Variants in MSI2 observed in about 807,000 individuals in gnomAD.
MSI2 encodes the protein RNA-binding protein Musashi homolog 2.
MSI2 carries 17 observed loss-of-function variants against 45.6 expected under a neutral mutation model. The observed-to-expected ratio is 0.37, with a 90% confidence interval of 0.26 to 0.56. The LOEUF (loss-of-function observed/expected upper bound fraction) is 0.56. MSI2 is among the 20% of genes least tolerant of loss of function. The probability of loss-of-function intolerance (pLI) is 0.77; values close to 1 mark genes in which losing one functional copy is unlikely to be tolerated. For synonymous variants in MSI2, 156 were observed against 158.2 expected (o/e 0.99, Z 0.11); for missense variants, 293 against 444.2 (o/e 0.66, Z 3.06).
chr17:57,608,121 C>T (rs949865345), intron 8 of MSI2: 7 of 152,398 alleles, frequency 4.6e-5, no homozygotes, highest in African/African-American at 1.7e-4. Context: ...TGGTTAGGGA[C>T]CCTTCCCCTG....
intron 6 of MSI2, among the ~76,000 whole-genome samples, chr17:57,438,415 T>G (rs2084731698): frequency 6.6e-6 from 1 of 152,158 alleles, no homozygotes; most frequent in African/African-American, 2.4e-5. Flanking sequence ...TTACCCCTTC[T>G]TCCTCCATCC....
intron 8 of MSI2, among the ~76,000 whole-genome samples, chr17:57,606,645 C>T (rs1906611465): frequency 6.6e-6 from 1 of 152,104 alleles, no homozygotes; most frequent in Non-Finnish European, 1.5e-5. Context: ...ATTTCTGTGT[C>T]CACACCCAGC....
At chr17:57,295,203 T>A (rs1251732872) in intron 5 of MSI2, among the ~76,000 whole-genome samples, 1 of 152,178 alleles carries the variant, frequency 6.6e-6, no homozygotes, top group Non-Finnish European at 1.5e-5. Flanking sequence ...GCTGCCCACT[T>A]CTTTCCCCAA....
chr17:57,523,172 C>T (rs1400368257), intron 6 of MSI2, among the ~76,000 whole-genome samples: 3 of 152,172 alleles, frequency 2.0e-5, no homozygotes, highest in East Asian at 1.9e-4. Flanking sequence ...CTCAGCCTCC[C>T]GCGCAGCTGG....
chr17:57,507,207 G>T (rs1271186507), intron 6 of MSI2, among the ~76,000 whole-genome samples: 1 of 130,102 alleles, frequency 7.7e-6, no homozygotes, highest in East Asian at 2.3e-4. Flanking sequence ...CTTCCCATTG[G>T]TTTTTGTCTT....
chr17:57,648,188 G>A lies in MSI2; in HGVS notation c.728-3911G>A, dbSNP rs570075456. On this transcript the variant is annotated intron_variant, in intron 10 of 13. Transcript: ENST00000284073. ...GTGTGTGTGTGTGTGTGTGTTTGTA[G>A]TGACAGGGTTTTCCCATGTTGGCCA... Among the ~76,000 whole-genome samples, 7 of 134,178 alleles carry A rather than the reference G, an allele frequency of 5.2e-5. No individual in the cohort carries two copies. In the South Asian group the frequency reaches 1.7e-3, roughly 32 times the overall value. The allele number at this position is 134,178 out of a possible 152,430, so 88.0% of individuals were successfully genotyped here.
intron 7 of MSI2, among the ~76,000 whole-genome samples, chr17:57,548,916 G>A (rs371619330): frequency 3.3e-4 from 14 of 41,990 alleles, no homozygotes; most frequent in Non-Finnish European, 5.3e-4. Flanking sequence ...CCACCCCCCC[G>A]CCAAAAAAAA....
chr17:57,618,140 G>C (rs1352264856), intron 9 of MSI2: 4 of 151,500 alleles, frequency 2.6e-5, no homozygotes, highest in African/African-American at 4.9e-5. Flanking sequence ...TATGGCCTCA[G>C]CTACCCAGGA....
At chr17:57,474,957 A>G (rs972332119) in intron 6 of MSI2, among the ~76,000 whole-genome samples, 4 of 152,224 alleles carry the variant, frequency 2.6e-5, no homozygotes, top group East Asian at 1.9e-4. Flanking sequence ...CCTGACCTCA[A>G]GTGATCTGCC....
intron 11 of MSI2, among the ~76,000 whole-genome samples, chr17:57,662,153 A>C (rs1371366438): frequency 6.6e-6 from 1 of 152,144 alleles, no homozygotes; most frequent in African/African-American, 2.4e-5. Context: ...TTTTTTAAAA[A>C]GGTCTCCCTT....
chr17:57,441,409 C>CA (rs2084798486), intron 6 of MSI2, among the ~76,000 whole-genome samples: 1 of 152,222 alleles, frequency 6.6e-6, no homozygotes, highest in Non-Finnish European at 1.5e-5. Context: ...CACCACCCTG[C>CA]AACCAGCTGG....
At chr17:57,495,419 GC>G (rs2143830265) in intron 6 of MSI2, among the ~76,000 whole-genome samples, 1 of 150,482 alleles carries the variant, frequency 6.6e-6, no homozygotes, top group South Asian at 2.1e-4. Flanking sequence ...TGTAATCCCA[GC>G]TACTCAGGAG....
intron 5 of MSI2, among the ~76,000 whole-genome samples, chr17:57,272,466 T>A (rs1908459627): frequency 6.6e-6 from 1 of 152,200 alleles, no homozygotes; most frequent in Non-Finnish European, 1.5e-5. Context: ...GAAAACCTGT[T>A]GGTGTACAGA....
chr17:57,454,518 C>T (rs2085077791), intron 6 of MSI2, among the ~76,000 whole-genome samples: 1 of 149,068 alleles, frequency 6.7e-6, no homozygotes, highest in Non-Finnish European at 1.5e-5. Context: ...CTCACTGCAA[C>T]CTCCAACTCC....
At chr17:57,538,123 T>G (rs2086960193) in intron 7 of MSI2, among the ~76,000 whole-genome samples, 1 of 152,054 alleles carries the variant, frequency 6.6e-6, no homozygotes, top group African/African-American at 2.4e-5. Flanking sequence ...TGGTTTAAGA[T>G]CTCGGTGAGG....
At chr17:57,381,692 C>T (rs1237702435) in intron 5 of MSI2, among the ~76,000 whole-genome samples, 2 of 152,186 alleles carry the variant, frequency 1.3e-5, no homozygotes, top group Non-Finnish European at 2.9e-5. Flanking sequence ...AACTGAATTG[C>T]TAATGGCACT....
In MSI2 at chr17:57,684,108, G is replaced by C. The variant is rs369937379; in HGVS notation, c.*4591G>C. The C allele has an allele frequency of 3.1e-5, 7 of 222,234 alleles. No individual in the cohort carries two copies. Among genetic ancestry groups the C allele is most frequent in the South Asian group, 1.8e-4 (1 of 5,440 alleles). The allele number at this position is 222,234 out of a possible 1,614,324, so 13.8% of individuals were successfully genotyped here. ...AGTTCCGGGAGGCAGGGGCATGATG[G>C]GGGAGGGGGCCGGAGGCTGAGAGAC... On this transcript the variant is annotated 3_prime_UTR_variant, in exon 14 of 14. Coordinates refer to ENST00000284073, the MANE Select transcript of MSI2 (RefSeq NM_138962.4).
At chr17:57,562,785 A>AT (rs150782460) in intron 7 of MSI2, among the ~76,000 whole-genome samples, 7,071 of 151,390 alleles carry the variant, frequency 0.047, 221 homozygotes, top group Middle Eastern at 0.082. Context: ...CACACGGACT[A>AT]TTTTTTTTTC....
In MSI2 at chr17:57,332,909, C is replaced by T. The variant is rs188090943; in HGVS notation, c.313-68470C>T. On this transcript the variant is annotated intron_variant, in intron 5 of 13. Coordinates refer to ENST00000284073, the MANE Select transcript of MSI2 (RefSeq NM_138962.4). ...GCGTGGTGGCACACACCTGTAGTCC[C>T]AGCTACTCGGGAGGCTGAGGCAGGA... Among the ~76,000 whole-genome samples the T allele has an allele frequency of 2.0e-5, 3 of 152,220 alleles. No individual in the cohort carries two copies. In the East Asian group the frequency reaches 5.8e-4, roughly 29 times the overall value.
Sources: gnomAD v4.1 joint callset for allele counts (sites outside exome capture counted in the v4.1 genomes callset) on GRCh38, gnomAD v4.1.1 for gene constraint, MANE v1.5 for transcripts, NCBI Gene and HGNC (gene_info 2026-07-23, HGNC 2026-07-21) for gene names.